TULP4: variants seen among roughly 807,000 people sequenced by gnomAD.
TULP4 encodes the protein TUB like protein 4.
In TULP4, 16 loss-of-function variants were observed where a neutral mutation model predicts 129.0. That is an observed-to-expected ratio of 0.12 (90% CI 0.08 to 0.19). TULP4 has a LOEUF of 0.19. TULP4 is among the 10% of genes least tolerant of loss of function. TULP4 has a pLI of 1.00. For synonymous variants in TULP4, 998 were observed against 854.0 expected (o/e 1.17, Z -2.94); for missense variants, 1,842 against 2,059.1 (o/e 0.89, Z 2.04).
In TULP4 at chr6:158,502,181, A is replaced by T; in HGVS notation, c.2518A>T (p.Thr840Ser). 1 of 1,521,970 alleles carries T rather than the reference A, an allele frequency of 6.6e-7. No individual in the cohort carries two copies. The highest frequency in any genetic ancestry group is 8.8e-7 in the Non-Finnish European group (1 of 1,130,094). The allele number at this position is 1,521,970 out of a possible 1,614,324, so 94.3% of individuals were successfully genotyped here. ...AAACCCTCCACCCCCGTACCCAGGAACCATCCCCGCTGCCCCCACCACAGC... is the reference window on the plus strand; with the variant it reads ...AAACCCTCCACCCCCGTACCCAGGATCCATCCCCGCTGCCCCCACCACAGC... ...KINPPPPYPG[T>S]IPAAPTTAAP... The change falls in exon 13 of 14, where the codon ACC becomes TCC. Residue 840 changes from threonine to serine, a missense_variant. Transcript: ENST00000367097.
intron 1 of TULP4, among the ~76,000 whole-genome samples, chr6:158,271,233 G>C (rs1778540546): frequency 6.6e-6 from 1 of 150,550 alleles, no homozygotes; most frequent in South Asian, 2.1e-4. Context: ...GTTGAGTTTT[G>C]TTTCATTTTC....
At chr6:158,479,468 T>C (rs1328761188) in intron 6 of TULP4, among the ~76,000 whole-genome samples, 1 of 152,210 alleles carries the variant, frequency 6.6e-6, no homozygotes, top group East Asian at 1.9e-4. Context: ...CTCGCTGTAT[T>C]GCCCAGGCTG....
At chr6:158,295,494 T>TA (rs1779011049) in intron 1 of TULP4, among the ~76,000 whole-genome samples, 1 of 152,148 alleles carries the variant, frequency 6.6e-6, no homozygotes, top group Non-Finnish European at 1.5e-5. Flanking sequence ...AAACAAAACT[T>TA]ACTTGTTGTG....
chr6:158,379,619 A>G (rs1393465827), intron 1 of TULP4, among the ~76,000 whole-genome samples: 1 of 152,140 alleles, frequency 6.6e-6, no homozygotes, highest in Non-Finnish European at 1.5e-5. Context: ...CAACAACTGT[A>G]TCAGTGCTTG....
intron 6 of TULP4, among the ~76,000 whole-genome samples, chr6:158,463,696 C>A (rs1287768459): frequency 2.7e-5 from 3 of 112,652 alleles, no homozygotes; most frequent in African/African-American, 4.4e-5. Flanking sequence ...GAATAGACTT[C>A]ATTAAAAAAA....
At chr6:158,362,380 C>G (rs1432943009) in intron 1 of TULP4, among the ~76,000 whole-genome samples, 1 of 151,630 alleles carries the variant, frequency 6.6e-6, no homozygotes, top group African/African-American at 2.4e-5. Flanking sequence ...GATGAGGTCT[C>G]TCTCTGTTGC....
chr6:158,497,350 T>C (rs1045709511), intron 11 of TULP4, among the ~76,000 whole-genome samples: 1 of 152,252 alleles, frequency 6.6e-6, no homozygotes, highest in Admixed American at 6.5e-5. Context: ...GTGAGTGCTG[T>C]TCCCCAGGTT....
intron 1 of TULP4, among the ~76,000 whole-genome samples, chr6:158,365,187 A>G (rs1780903934): frequency 1.3e-5 from 2 of 151,826 alleles, no homozygotes; most frequent in South Asian, 2.1e-4. Context: ...ATCCTACTAG[A>G]TGTGTTTCTT....
intron 1 of TULP4, among the ~76,000 whole-genome samples, chr6:158,353,040 C>T (rs1435528033): frequency 6.6e-6 from 1 of 152,178 alleles, no homozygotes; most frequent in Non-Finnish European, 1.5e-5. Flanking sequence ...GAGCAGGCTC[C>T]AGCTGATGAA....
intron 1 of TULP4, among the ~76,000 whole-genome samples, chr6:158,291,632 C>T (rs1300720278): frequency 4.0e-5 from 6 of 151,828 alleles, no homozygotes; most frequent in Non-Finnish European, 8.8e-5. Context: ...ATTTCTTTTC[C>T]ATTTTCTCTG....
At chr6:158,465,793 T>G (rs557144543) in intron 6 of TULP4, among the ~76,000 whole-genome samples, 6 of 152,178 alleles carry the variant, frequency 3.9e-5, no homozygotes, top group Non-Finnish European at 7.4e-5. Flanking sequence ...AGGTATACGT[T>G]GGCTCAGCTT....
chr6:158,346,555 C>T (rs1189248690), intron 1 of TULP4, among the ~76,000 whole-genome samples: 1 of 152,206 alleles, frequency 6.6e-6, no homozygotes, highest in African/African-American at 2.4e-5. Flanking sequence ...GCAGTATCTA[C>T]AAGTTATGCT....
intron 4 of TULP4, among the ~76,000 whole-genome samples, chr6:158,451,318 C>T (rs1779158799): frequency 6.6e-6 from 1 of 151,850 alleles, no homozygotes; most frequent in Non-Finnish European, 1.5e-5. Flanking sequence ...AGTGCAGTGT[C>T]ATGATGTAAA....
At chr6:158,242,361 A>G (rs1042328428) in intron 1 of TULP4, 1 of 1,514,518 alleles carries the variant, frequency 6.6e-7, no homozygotes, top group African/African-American at 1.4e-5. Context: ...TTGAGCTGCA[A>G]CAACTGCTGA....
intron 1 of TULP4, among the ~76,000 whole-genome samples, chr6:158,277,158 C>G (rs148422345): frequency 0.011 from 1,690 of 152,248 alleles, 36 homozygotes; most frequent in African/African-American, 0.037. Context: ...CCAGGCTGGT[C>G]TCAAACTCCT....
At chr6:158,334,268 A>G (rs1463066625) in intron 1 of TULP4, among the ~76,000 whole-genome samples, 1 of 152,216 alleles carries the variant, frequency 6.6e-6, no homozygotes, top group African/African-American at 2.4e-5. Flanking sequence ...ATTACTTGAT[A>G]GGTGCTGGAG....
intron 3 of TULP4, among the ~76,000 whole-genome samples, chr6:158,439,742 TGCTC>T: frequency 7.4e-6 from 1 of 136,034 alleles, no homozygotes; most frequent in East Asian, 2.4e-4. Context: ...GACGGAGTCT[TGCTC>T]TGTTGCCCAG....
chr6:158,253,230 C>T (rs905420560), intron 1 of TULP4, among the ~76,000 whole-genome samples: 1 of 152,206 alleles, frequency 6.6e-6, no homozygotes, highest in Admixed American at 6.5e-5. Context: ...GAGAAAGTCA[C>T]CCTCACTGTG....
chr6:158,384,226 G>A (rs143285286), intron 1 of TULP4, among the ~76,000 whole-genome samples: 3 of 151,164 alleles, frequency 2.0e-5, no homozygotes, highest in South Asian at 4.2e-4. Flanking sequence ...TGTAGTATAC[G>A]TTATGACAAG....
Sources: gnomAD v4.1 joint callset for allele counts (sites outside exome capture counted in the v4.1 genomes callset) on GRCh38, gnomAD v4.1.1 for gene constraint, MANE v1.5 for transcripts, NCBI Gene and HGNC (gene_info 2026-07-23, HGNC 2026-07-21) for gene names.